CEP131: variants seen among roughly 807,000 people sequenced by gnomAD.
CEP131 encodes centrosomal protein of 131 kDa.
Under a neutral mutation model 136.8 loss-of-function variants are expected in CEP131, and 99 were observed. The observed-to-expected ratio is 0.72, with a 90% CI of 0.62 to 0.86. CEP131 has a LOEUF of 0.86. Among genes scored for constraint, CEP131 ranks in the 40% least tolerant of loss-of-function variants. CEP131 has a pLI of 0.00. For missense variants in CEP131, 1,459 were observed against 1,463.0 expected (o/e 1.00, Z 0.04); for synonymous variants, 646 against 612.7 (o/e 1.05, Z -0.80).
chr17:81,194,307 C>G (rs1404806547), intron 17 of CEP131, among the ~76,000 whole-genome samples, 180 bp from the exon 18 acceptor site: 1 of 152,208 alleles, frequency 6.6e-6, no homozygotes, highest in Non-Finnish European at 1.5e-5. Flanking sequence ...GAGACCCCCA[C>G]AGGGCCACGG....
Position 81,203,515 on chromosome 17 carries a change from T to C in CEP131, c.608A>G (p.Asn203Ser), listed in dbSNP as rs1323324357. 6.8e-6 allele frequency: 11 copies of C among 1,606,354 alleles called. No individual in the cohort carries two copies. Among genetic ancestry groups the C allele is most frequent in the Non-Finnish European group, 9.3e-6 (11 of 1,177,374 alleles). The part of the protein sequence containing the change: ...SERAPPLKSS[N>S]QTAPSLNNII... Reference sequence around the variant, plus strand: ...TTACTTGAGGGAGGGGGCAGTCTGGTTGGAGCTCTTGAGCGGAGGCGCCCT... The same window carrying C: ...TTACTTGAGGGAGGGGGCAGTCTGGCTGGAGCTCTTGAGCGGAGGCGCCCT... The change falls in exon 6 of 26, where the codon AAC (asparagine) becomes AGC (serine). Residue 203 changes from asparagine to serine, a missense_variant. This residue lies in a region of CEP131 where 246 missense variants were observed against 318.9 expected (regional missense o/e 0.77). Coordinates refer to ENST00000450824, the MANE Select transcript of CEP131 (RefSeq NM_014984.4). The surrounding 1 kb of genome is among the most constrained non-coding windows in gnomAD (Gnocchi z 4.6).
At chr17:81,206,977 A>G in intron 4 of CEP131, 106 bp from the exon 5 acceptor site, 1 of 1,535,710 alleles carries the variant, frequency 6.5e-7, no homozygotes. Context: ...CCATACAGAC[A>G]GGTGGATGTC....
At chr17:81,216,300 A>G (rs1479020203) in intron 2 of CEP131, among the ~76,000 whole-genome samples, 1 of 151,656 alleles carries the variant, frequency 6.6e-6, no homozygotes, top group Non-Finnish European at 1.5e-5. Flanking sequence ...CAGAGGCTGC[A>G]GTGAGCCGAG....
Position 81,190,969 on chromosome 17 carries a change from C to T in CEP131, c.2881G>A (p.Glu961Lys), listed in dbSNP as rs141181839. The change falls in exon 23 of 26, where the codon GAG (glutamate) becomes AAG (lysine). Residue 961 changes from glutamate to lysine, a missense_variant. By Grantham distance (56) the Glu-to-Lys change is moderately conservative (BLOSUM62 1). Around this residue, in one of 3 missense-constraint regions of CEP131, gnomAD observed 1,026 missense variants for 964.2 expected, o/e 1.06. Transcript: ENST00000450824. The stretch of plus-strand genomic sequence containing the variant: ...ACAAGGCCCTGCAGACGCAGATTCT[C>T]GCCCTCGGCCTCCCCAAGCTGGCCC... ...LKGQLGEAEGENLRLQGLVRQ... is the reference protein window; with the variant it reads ...LKGQLGEAEGKNLRLQGLVRQ... 148 of 1,606,002 alleles carry T rather than the reference C, an allele frequency of 9.2e-5. No homozygotes were observed. Among genetic ancestry groups the T allele is most frequent in the Non-Finnish European group, 1.2e-4 (139 of 1,179,886 alleles).
chr17:81,192,396 G>C lies in CEP131; in HGVS notation c.2548-4C>G. The C allele has an allele frequency of 6.2e-7, 1 of 1,609,498 alleles. No homozygotes were observed. Among genetic ancestry groups the C allele is most frequent in the African/African-American group, 1.3e-5 (1 of 74,954 alleles). On this transcript the variant is annotated splice_polypyrimidine_tract_variant and splice_region_variant and intron_variant, in intron 20 of 25. Coordinates refer to ENST00000450824, the MANE Select transcript of CEP131 (RefSeq NM_014984.4). ...GCTTCAGGGTATTCAGCTCCATCTG[G>C]GGGGCGGACATAAGAGGCCAGTCAG... is the stretch of plus-strand genomic sequence containing the variant.
chr17:81,220,381 G>C (rs1223158205), intron 1 of CEP131, among the ~76,000 whole-genome samples: 1 of 152,248 alleles, frequency 6.6e-6, no homozygotes, highest in Non-Finnish European at 1.5e-5. Flanking sequence ...TGGGCCACAG[G>C]CCATTGTCGA....
chr17:81,211,853 A>G (rs1485996538), intron 2 of CEP131, among the ~76,000 whole-genome samples: 1 of 151,214 alleles, frequency 6.6e-6, no homozygotes, highest in Non-Finnish European at 1.5e-5. Context: ...GGATCACTTG[A>G]GCCCAGGAAT....
chr17:81,220,981 C>G (rs8072746), intron 1 of CEP131, among the ~76,000 whole-genome samples: 8 of 151,188 alleles, frequency 5.3e-5, no homozygotes, highest in African/African-American at 1.7e-4. Context: ...AAAAATTAGC[C>G]GGGCGTGGTG....
chr17:81,198,028 AT>A, intron 12 of CEP131, 86 bp downstream of exon 12: 2 of 1,481,828 alleles, frequency 1.3e-6, no homozygotes, highest in Non-Finnish European at 1.8e-6. Flanking sequence ...TGGCATCCCC[AT>A]TTTCCCAACC....
In CEP131 at chr17:81,196,834, G is replaced by A. The variant is rs199716313; in HGVS notation, c.1774-8C>T. 1 of 1,597,608 alleles carries A rather than the reference G, an allele frequency of 6.3e-7. No homozygotes were observed. The highest frequency in any genetic ancestry group is 8.5e-7 in the Non-Finnish European group (1 of 1,173,192). ...GAGGTCTCGCTGCTGCGCCTGCAGG[G>A]TGTGGGCAGAGGAGGGAAGCGCTAG... On this transcript the variant is annotated splice_polypyrimidine_tract_variant and splice_region_variant and intron_variant, in intron 14 of 25. Transcript: ENST00000450824.
At position 81,199,529 on chromosome 17, in the gene CEP131, G is replaced by A. The variant is rs1464966001; in HGVS notation, c.1044C>T (p.Ala348=). ...CAGTGCTCGCCTTCTGGGCTCTCAG[G>A]GCTCGTTTCTGTTGCAGCTCCTGCA... ...AAIQELQQKR[A]LRAQKASTAE... Residue 348 remains alanine (A), a synonymous_variant, in exon 10 of 26, where the codon GCC becomes GCT. Transcript: ENST00000450824. 2 of 1,607,560 alleles carry A rather than the reference G, an allele frequency of 1.2e-6. No homozygotes were observed. The highest frequency in any genetic ancestry group is 3.4e-5 in the Admixed American group (2 of 59,550).
At chr17:81,200,304 G>C in intron 8 of CEP131, 25 bp downstream of exon 8, 1 of 1,570,034 alleles carries the variant, frequency 6.4e-7, no homozygotes, top group East Asian at 2.3e-5. Context: ...GGGGAGCATG[G>C]AGTGACTGAG....
rs781619138 is a variant in CEP131 at position 81,198,235 on chromosome 17, G to A, written c.1350C>T (p.Ser450=). ...NLEMMAPSRG[S]AKSRGPLEEL... ...CCTCCAGTGGCCCCCTGGACTTGGC[G>A]CTCCCCCTGCTCGGGGCCATCATCT... is the stretch of plus-strand genomic sequence containing the variant. Residue 450 remains serine (S), a synonymous_variant, in exon 12 of 26, where the codon AGC becomes AGT. Transcript: ENST00000450824. 2.0e-5 allele frequency: 32 copies of A among 1,602,066 alleles called. No homozygotes were observed. The highest frequency in any genetic ancestry group is 1.1e-4 in the East Asian group (5 of 44,232).
rs762934327 is a variant in CEP131 at position 81,199,746 on chromosome 17, T to C, written c.996A>G (p.Ala332=). 1.3e-5 allele frequency: 21 copies of C among 1,610,498 alleles called. No homozygotes were observed. Among genetic ancestry groups the C allele is most frequent in the Non-Finnish European group, 1.8e-5 (21 of 1,179,982 alleles). ...GAATGGCTGCTCGCCTGGCTTGGCG[T>C]GCCTTCTCCTCCCGGGCCTTCCTCC... ...AARRKAREEK[A]RQARRAAIQE... is the part of the protein sequence containing the mutation. The change falls in exon 9 of 26, where the codon GCA becomes GCG. Residue 332 remains alanine (A), a synonymous_variant. Transcript: ENST00000450824.
intron 2 of CEP131, among the ~76,000 whole-genome samples, 181 bp from the exon 3 acceptor site, chr17:81,209,203 G>A (rs1047355099): frequency 6.6e-6 from 1 of 152,160 alleles, no homozygotes; most frequent in Non-Finnish European, 1.5e-5. Flanking sequence ...GGACAGCAGG[G>A]CAGCGCGAGG....
At position 81,208,961 on chromosome 17, in the gene CEP131, G is replaced by A. The variant is rs528966168; in HGVS notation, c.239C>T (p.Thr80Met). The change falls in exon 3 of 26, where the codon ACG (threonine) becomes ATG (methionine). Residue 80 changes from threonine (T) to methionine (M), a missense_variant. By Grantham distance (81) the Thr-to-Met change is moderately conservative (BLOSUM62 -1). This residue lies in a region of CEP131 where 187 missense variants were observed against 179.9 expected (regional missense o/e 1.04). Coordinates refer to ENST00000450824, the MANE Select transcript of CEP131 (RefSeq NM_014984.4). The surrounding 1 kb of genome is among the most constrained non-coding windows in gnomAD (Gnocchi z 5.6). ...INNLRRSNSTTQVSQPRSGSP... is the reference protein window; with the variant it reads ...INNLRRSNSTMQVSQPRSGSP... ...GCCGCTCCGAGGCTGGCTGACCTGC[G>A]TGGTGCTGTTGGATCTTCTAAGGTT... 2.1e-5 allele frequency: 34 copies of A among 1,614,010 alleles called. No individual in the cohort carries two copies. In the African/African-American group the frequency reaches 2.3e-4, roughly 11 times the overall value.
In CEP131 at chr17:81,203,343, C is replaced by T; in HGVS notation, c.629+151G>A. 1.6e-6 allele frequency: 1 copy of T among 632,272 alleles called. No homozygotes were observed. Among genetic ancestry groups the T allele is most frequent in the Non-Finnish European group, 2.8e-6 (1 of 362,318 alleles). The allele number at this position is 632,272 out of a possible 1,614,324, so 39.2% of individuals were successfully genotyped here. On this transcript the variant is annotated intron_variant, in intron 6 of 25. Transcript: ENST00000450824. The surrounding 1 kb of genome is among the most constrained non-coding windows in gnomAD (Gnocchi z 4.6). ...CCACGTGCCCTGACCGAGGTTGGAC[C>T]CCATGCACACTGACCGCATGCCCTG...
intron 18 of CEP131, 97 bp downstream of exon 18, chr17:81,193,829 T>A: frequency 7.4e-7 from 1 of 1,358,018 alleles, no homozygotes; most frequent in Non-Finnish European, 9.9e-7. Context: ...ACTAAGACCC[T>A]CGCCCACCTC....
Position 81,197,855 on chromosome 17 carries a change from A to G in CEP131, c.1504T>C (p.Leu502=), listed in dbSNP as rs2146548650. 1 of 1,613,076 alleles carries G rather than the reference A, an allele frequency of 6.2e-7. No individual in the cohort carries two copies. Among genetic ancestry groups the G allele is most frequent in the East Asian group, 2.2e-5 (1 of 44,882 alleles). The change falls in exon 13 of 26, where the codon TTG becomes CTG. Residue 502 remains leucine (L), a synonymous_variant. Transcript: ENST00000450824. ...GCACTGAGTTTTCCAAATTTCTCCAAGTTGTCAGCTGTCAGAGAGCTGGCG... is the reference window on the plus strand; with the variant it reads ...GCACTGAGTTTTCCAAATTTCTCCAGGTTGTCAGCTGTCAGAGAGCTGGCG... ...DDASSLTADN[L]EKFGKLSAFP...
Sources: allele counts gnomAD v4.1 joint callset (sites outside exome capture counted in the v4.1 genomes callset), GRCh38; gene constraint gnomAD v4.1.1; regional missense constraint gnomAD v4.1.1; non-coding constraint Gnocchi (gnomAD v3.1); transcripts MANE v1.5; gene names NCBI Gene and HGNC (gene_info 2026-07-23, HGNC 2026-07-21).